CDC6: variants seen among roughly 807,000 people sequenced by gnomAD.
CDC6 encodes DNA replication factor CDC6.
In CDC6, 46 loss-of-function variants were observed where a neutral mutation model predicts 60.2. The observed-to-expected ratio is 0.76, with a 90% CI of 0.60 to 0.98. The LOEUF (loss-of-function observed/expected upper bound fraction) is 0.98. Among genes scored for constraint, CDC6 ranks in the 50% least tolerant of loss-of-function variants. The pLI is 0.00. For synonymous variants in CDC6, 210 were observed against 233.2 expected (o/e 0.90, Z 0.90); for missense variants, 596 against 652.9 (o/e 0.91, Z 0.95).
rs879121433 is a variant in CDC6, at chr17:40,289,434, G to A, written c.14G>A (p.Arg5Gln). The A allele has an allele frequency of 6.2e-7, 1 of 1,613,552 alleles. No individual in the cohort carries two copies. Among genetic ancestry groups the A allele is most frequent in the African/African-American group, 1.3e-5 (1 of 74,844 alleles). The change falls in exon 2 of 12, where the codon CGA becomes CAA. Residue 5 changes from arginine to glutamine, a missense_variant. Physicochemically the swap from Arg to Gln is conservative, Grantham distance 43 (BLOSUM62 1). Coordinates refer to ENST00000209728, the MANE Select transcript of CDC6 (RefSeq NM_001254.4). The stretch of plus-strand genomic sequence containing the variant: ...TGTGCTGTCGTCATGCCTCAAACCC[G>A]ATCCCAGGCACAGGCTACAATCAGT... MPQT[R>Q]SQAQATISFP...
chr17:40,302,655 C>CATT lies in CDC6; in HGVS notation c.*656_*658dup, dbSNP rs1212271793. 6 of 152,200 alleles carry CATT rather than the reference C, an allele frequency of 3.9e-5. No homozygotes were observed. The highest frequency in any genetic ancestry group is 3.9e-4 in the Admixed American group (6 of 15,274). 9.4% of individuals were successfully genotyped at this position (152,200 alleles called of 1,614,324 possible). Reference sequence around the variant, plus strand: ...ATAGGCGTGAGCCACCATGCTCAGCCATTAAGGTATTTTGTTAAGAACTTT... The same window carrying CATT: ...ATAGGCGTGAGCCACCATGCTCAGCCATTATTAAGGTATTTTGTTAAGAACTTT... On this transcript the variant is annotated 3_prime_UTR_variant, in exon 12 of 12. Coordinates refer to ENST00000209728, the MANE Select transcript of CDC6 (RefSeq NM_001254.4).
intron 4 of CDC6, among the ~76,000 whole-genome samples, chr17:40,292,368 C>T (rs1264252727): frequency 2.0e-5 from 3 of 151,688 alleles, no homozygotes; most frequent in Admixed American, 1.3e-4. Flanking sequence ...CGGTGGCTCA[C>T]ACCTGTAATC....
chr17:40,293,641 G>A lies in CDC6; in HGVS notation c.836+10G>A, dbSNP rs1249949235. On this transcript the variant is annotated intron_variant, in intron 5 of 11. Transcript: ENST00000209728. ...AGAAGGGCCCCATGATGTAAGTATT[G>A]TTCTGCTTCATGTTGCTCTGTGAAA... The A allele has an allele frequency of 1.2e-6, 2 of 1,601,958 alleles. No homozygotes were observed. The highest frequency in any genetic ancestry group is 2.2e-5 in the South Asian group (2 of 90,796).
In CDC6 at chr17:40,293,906, G is replaced by A; in HGVS notation, c.837-44G>A. 4 of 1,496,176 alleles carry A rather than the reference G, an allele frequency of 2.7e-6. No homozygotes were observed. In the Middle Eastern group the frequency reaches 6.8e-4, roughly 255 times the overall value. 92.7% of individuals were successfully genotyped at this position (1,496,176 alleles called of 1,614,324 possible). ...GTCAGCCTATATCAAACATTAGAGG[G>A]TTAAGAAGGTGAATATGGATACTAA... On this transcript the variant is annotated intron_variant, in intron 5 of 11. Coordinates refer to ENST00000209728, the MANE Select transcript of CDC6 (RefSeq NM_001254.4).
At chr17:40,300,719 A>G (rs751546245) in intron 9 of CDC6, 109 bp from the exon 10 acceptor site, 19 of 869,480 alleles carry the variant, frequency 2.2e-5, no homozygotes, top group Admixed American at 1.9e-4. Flanking sequence ...CCACCATGTG[A>G]CTATACTTGA....
rs2032930688 is a variant in CDC6 at position 40,300,900 on chromosome 17, T to C, written c.1322T>C (p.Val441Ala). The change falls in exon 10 of 12, where the codon GTT (valine) becomes GCT (alanine). Residue 441 changes from valine to alanine, a missense_variant. Physicochemically the swap from Val to Ala is moderately conservative, Grantham distance 64. Transcript: ENST00000209728. Reference protein sequence around the residue: ...LIHISQVISEVDGNRMTLSQE... With the variant: ...LIHISQVISEADGNRMTLSQE... ...CACATATCCCAAGTCATCTCAGAAG[T>C]TGATGGTAACAGGATGACCTTGAGC... The C allele has an allele frequency of 5.6e-6, 9 of 1,613,910 alleles. No homozygotes were observed. The highest frequency in any genetic ancestry group is 6.8e-6 in the Non-Finnish European group (8 of 1,179,908).
Position 40,295,466 on chromosome 17 carries a change from G to A in CDC6, c.1184+10G>A, listed in dbSNP as rs563505524. ...CACTGGATGTTTGCAGGTGAGTTACGGCTCTGTTGCATTCTTTTATTAAAA... is the reference window on the plus strand; with the variant it reads ...CACTGGATGTTTGCAGGTGAGTTACAGCTCTGTTGCATTCTTTTATTAAAA... On this transcript the variant is annotated intron_variant, in intron 8 of 11. Coordinates refer to ENST00000209728, the MANE Select transcript of CDC6 (RefSeq NM_001254.4). 5.1e-5 allele frequency: 78 copies of A among 1,536,782 alleles called. No individual in the cohort carries two copies. The South Asian group carries it at 5.1e-4, about 10-fold the overall frequency.
rs1488443593 is a variant in CDC6, at chr17:40,300,810, G to T, written c.1250-18G>T. 6.3e-7 allele frequency: 1 copy of T among 1,577,322 alleles called. No homozygotes were observed. The highest frequency in any genetic ancestry group is 1.1e-5 in the South Asian group (1 of 90,380). ...GTATTTTAGAAATCGAATTAAGCTT[G>T]GCTTATTTACTTTATAGGTAAATCA... On this transcript the variant is annotated intron_variant, in intron 9 of 11. Transcript: ENST00000209728.
At position 40,294,478 on chromosome 17, in the gene CDC6, C is replaced by G; in HGVS notation, c.1058C>G (p.Thr353Ser). ...CCTTATACCAGAAATCAGATAGTCA[C>G]TATTTTGCAAGATCGACTTAATCAG... ...FPPYTRNQIVTILQDRLNQVS... is the reference protein window; with the variant it reads ...FPPYTRNQIVSILQDRLNQVS... The change falls in exon 7 of 12, where the codon ACT (threonine) becomes AGT (serine). Residue 353 changes from threonine (T) to serine (S), a missense_variant. Physicochemically the swap from Thr to Ser is moderately conservative, Grantham distance 58. Coordinates refer to ENST00000209728, the MANE Select transcript of CDC6 (RefSeq NM_001254.4). The G allele has an allele frequency of 6.2e-7, 1 of 1,614,056 alleles. No homozygotes were observed. The highest frequency in any genetic ancestry group is 8.5e-7 in the Non-Finnish European group (1 of 1,179,978).
Position 40,294,401 on chromosome 17 carries a change from A to G in CDC6, c.981A>G (p.Leu327=), listed in dbSNP as rs1598516005. ...ANTLDLTDRI[L]PRLQAREKCK... ...CCCTGGATCTCACAGATAGAATTCTACCTAGGCTTCAAGCTAGAGAAAAAT... is the reference window on the plus strand; with the variant it reads ...CCCTGGATCTCACAGATAGAATTCTGCCTAGGCTTCAAGCTAGAGAAAAAT... Residue 327 remains leucine, a synonymous_variant, in exon 7 of 12, where the codon CTA becomes CTG. Coordinates refer to ENST00000209728, the MANE Select transcript of CDC6 (RefSeq NM_001254.4). The G allele has an allele frequency of 6.2e-6, 10 of 1,609,884 alleles. No individual in the cohort carries two copies. The highest frequency in any genetic ancestry group is 4.5e-5 in the East Asian group (2 of 44,858).
chr17:40,291,777 G>A (rs531999438), intron 4 of CDC6, 109 bp downstream of exon 4: 74 of 1,163,670 alleles, frequency 6.4e-5, no homozygotes, highest in African/African-American at 1.1e-4. Context: ...ACGGAGTCTC[G>A]CTCTGTCGCC....
intron 1 of CDC6, among the ~76,000 whole-genome samples, chr17:40,288,815 C>T (rs1049798685): frequency 6.6e-6 from 1 of 152,126 alleles, no homozygotes; most frequent in Non-Finnish European, 1.5e-5. Flanking sequence ...CGGCCCGTCT[C>T]GGCCTCCCAA....
chr17:40,288,830 T>C (rs2032704697), intron 1 of CDC6, among the ~76,000 whole-genome samples: 1 of 151,680 alleles, frequency 6.6e-6, no homozygotes, highest in Non-Finnish European at 1.5e-5. Context: ...TCCCAAAGTG[T>C]TGGGATTACA....
At chr17:40,299,621 G>C (rs2032909751) in intron 9 of CDC6, among the ~76,000 whole-genome samples, 1 of 152,142 alleles carries the variant, frequency 6.6e-6, no homozygotes, top group South Asian at 2.1e-4. Context: ...TATCTGGCCA[G>C]GCATGGTGGC....
intron 9 of CDC6, among the ~76,000 whole-genome samples, chr17:40,298,183 T>C (rs563743410): frequency 6.6e-6 from 1 of 152,198 alleles, no homozygotes; most frequent in African/African-American, 2.4e-5. Context: ...TAGTAGGCAA[T>C]ATATACCAAT....
intron 9 of CDC6, among the ~76,000 whole-genome samples, chr17:40,298,915 C>G (rs539414315): frequency 4.6e-5 from 7 of 152,188 alleles, no homozygotes; most frequent in African/African-American, 1.7e-4. Context: ...TAAAAATAGA[C>G]TTCTAAATTC....
chr17:40,295,862 G>T (rs2032851373), intron 8 of CDC6, among the ~76,000 whole-genome samples: 1 of 152,114 alleles, frequency 6.6e-6, no homozygotes, highest in Non-Finnish European at 1.5e-5. Flanking sequence ...CCCTTCAGTT[G>T]GTGGTCCCCC....
chr17:40,295,358 A>G lies in CDC6; in HGVS notation c.1086A>G (p.Val362=). ...CATCTTCTATGTCTTGTCTGAAGGT[A>G]TCTAGAGATCAGGTTCTGGACAATG... The part of the protein sequence containing the change: ...VTILQDRLNQ[V]SRDQVLDNAA... Residue 362 remains valine, a splice_region_variant and synonymous_variant, in exon 8 of 12, where the codon GTA becomes GTG. Transcript: ENST00000209728. 6.2e-7 allele frequency: 1 copy of G among 1,600,116 alleles called. No homozygotes were observed. The highest frequency in any genetic ancestry group is 8.6e-7 in the Non-Finnish European group (1 of 1,167,314).
chr17:40,293,499 C>T lies in CDC6; in HGVS notation c.704C>T (p.Ser235Phe), dbSNP rs1454494739. 6 of 1,613,922 alleles carry T rather than the reference C, an allele frequency of 3.7e-6. No homozygotes were observed. The highest frequency in any genetic ancestry group is 5.1e-6 in the Non-Finnish European group (6 of 1,179,870). The change falls in exon 5 of 12, where the codon TCC (serine) becomes TTC (phenylalanine). Residue 235 changes from serine (S) to phenylalanine (F), a missense_variant. Ser to Phe is a radical substitution (Grantham distance 155, BLOSUM62 -2). Coordinates refer to ENST00000209728, the MANE Select transcript of CDC6 (RefSeq NM_001254.4). ...GFKTIMLNCM[S>F]LRTAQAVFPA... ...AAAACTATCATGCTGAATTGCATGT[C>T]CTTGAGGACTGCCCAGGCTGTATTC... is the stretch of plus-strand genomic sequence containing the variant.
Sources: gnomAD v4.1 joint callset for allele counts (sites outside exome capture counted in the v4.1 genomes callset) on GRCh38, gnomAD v4.1.1 for gene constraint, MANE v1.5 for transcripts, NCBI Gene and HGNC (gene_info 2026-07-23, HGNC 2026-07-21) for gene names.